Variants in CBS observed in about 807,000 individuals in gnomAD.
CBS encodes beta-thionase.
For missense variants in CBS, 27 were observed against 124.8 expected (o/e 0.22, Z 3.73); for synonymous variants, 23 against 52.2 (o/e 0.44, Z 2.41).
rs1011755825 is a variant in CBS at position 43,066,172 on chromosome 21, C to T, written c.451+71G>A. The T allele has an allele frequency of 7.1e-5, 90 of 1,274,766 alleles. 14 individuals carry two copies. Among genetic ancestry groups the T allele is most frequent in the Middle Eastern group, 2.5e-4 (1 of 4,032 alleles). 79.0% of individuals were successfully genotyped at this position (1,274,766 alleles called of 1,614,324 possible). ...GCGGCTGCAGCTCAGCCATCCCCCC[C>T]GGGTCCCGGCAGGCTCGGCATGGGT... On this transcript the variant is annotated intron_variant, in intron 5 of 16. Coordinates refer to ENST00000398165, the MANE Select transcript of CBS (RefSeq NM_000071.3).
At chr21:43,066,204 C>A (rs1437676114) in intron 5 of CBS, 39 bp downstream of exon 5, 1 of 1,351,186 alleles carries the variant, frequency 7.4e-7, no homozygotes, top group East Asian at 2.3e-5. Flanking sequence ...GGGTAGGGGA[C>A]AGCCAGCCCT....
rs924687812 is a variant in CBS, at chr21:43,057,421, T to C, written c.1468-534A>G. ...ACGGCTGGTGTGGATGAGCCTGCAC[T>C]GATGAGAGCCTGCTCTCCGGCTGCT... On this transcript the variant is annotated intron_variant, in intron 15 of 16. Coordinates refer to ENST00000398165, the MANE Select transcript of CBS (RefSeq NM_000071.3). 7.1e-5 allele frequency among the ~76,000 whole-genome samples: 2 copies of C among 28,214 alleles called. 1 individual carries two copies. The highest frequency in any genetic ancestry group is 1.8e-4 in the Non-Finnish European group (2 of 10,980). The allele number at this position is 28,214 out of a possible 152,430, so 18.5% of individuals were successfully genotyped here. A position where few individuals can be genotyped will look rare whatever the true frequency, so the allele number is the denominator to read the frequency against.
intron 15 of CBS, 64 bp from the exon 16 acceptor site, chr21:43,056,951 AG>A: frequency 2.4e-5 from 1 of 40,898 alleles, no homozygotes; most frequent in Non-Finnish European, 6.3e-5. Context: ...GTGGAGTGAG[AG>A]GGGATGCGAT....
At position 43,065,457 on chromosome 21, in the gene CBS, G is replaced by C. The variant is rs1982554358; in HGVS notation, c.596C>G (p.Ser199Cys). 1 of 445,464 alleles carries C rather than the reference G, an allele frequency of 2.2e-6. No homozygotes were observed. Among genetic ancestry groups the C allele is most frequent in the Non-Finnish European group, 4.1e-6 (1 of 243,706 alleles). 27.6% of individuals were successfully genotyped at this position (445,464 alleles called of 1,614,324 possible). A position where few individuals can be genotyped will look rare whatever the true frequency, so the allele number is the denominator to read the frequency against. Reference protein sequence around the residue: ...VRTPTNARFDSPESHVGVAWR... With the variant: ...VRTPTNARFDCPESHVGVAWR... Reference sequence around the variant, plus strand: ...GGCCACCCCCACGTGTGACTCCGGGGAGTCGAACCTGGCATTGGTGGGCGT... The same window carrying C: ...GGCCACCCCCACGTGTGACTCCGGGCAGTCGAACCTGGCATTGGTGGGCGT... The change falls in exon 7 of 17, where the codon TCC becomes TGC. Residue 199 changes from serine (S) to cysteine (C), a missense_variant. Physicochemically the swap from Ser to Cys is moderately radical, Grantham distance 112 (BLOSUM62 -1). Transcript: ENST00000398165.
At chr21:43,067,891 G>A (rs1445499352) in intron 4 of CBS, 2 of 171,930 alleles carry the variant, frequency 1.2e-5, no homozygotes, top group South Asian at 3.2e-5. Flanking sequence ...TGCGCTCTTG[G>A]TGAAGAGCGA....
intron 16 of CBS, chr21:43,055,890 CTT>C (rs750570864): frequency 1.4e-4 from 10 of 69,744 alleles, no homozygotes; most frequent in East Asian, 4.0e-4. Flanking sequence ...GAATTTGCAT[CTT>C]TTTTTTTTTC....
At chr21:43,061,715 CAT>C (rs10569459) in intron 11 of CBS, among the ~76,000 whole-genome samples, 11,052 of 125,542 alleles carry the variant, frequency 0.088, 2,040 homozygotes, top group African/African-American at 0.29. Flanking sequence ...AGAAACCTCA[CAT>C]GTCCCTGCCT....
At position 43,066,180 on chromosome 21, in the gene CBS, G is replaced by A. The variant is rs1292635966; in HGVS notation, c.451+63C>T. The A allele has an allele frequency of 3.0e-5, 39 of 1,304,734 alleles. 5 individuals are homozygous for A. Among genetic ancestry groups the A allele is most frequent in the East Asian group, 2.0e-4 (9 of 43,906 alleles). 80.8% of individuals were successfully genotyped at this position (1,304,734 alleles called of 1,614,324 possible). A position where few individuals can be genotyped will look rare whatever the true frequency, so the allele number is the denominator to read the frequency against. ...AGCTCAGCCATCCCCCCCGGGTCCC[G>A]GCAGGCTCGGCATGGGTAGGGGACA... On this transcript the variant is annotated intron_variant, in intron 5 of 16. Transcript: ENST00000398165.
At position 43,066,082 on chromosome 21, in the gene CBS, T is replaced by C. The variant is rs996450093; in HGVS notation, c.451+161A>G. ...CGAATGCTGGTCAAAGGAAGCTAGG[T>C]TGGGACACAGGCCGGCAGCGGGTGC... On this transcript the variant is annotated intron_variant, in intron 5 of 16. Coordinates refer to ENST00000398165, the MANE Select transcript of CBS (RefSeq NM_000071.3). Among the ~76,000 whole-genome samples the C allele has an allele frequency of 2.7e-5, 3 of 112,238 alleles. 1 individual carries two copies. The highest frequency in any genetic ancestry group is 8.2e-5 in the Admixed American group (1 of 12,246). 73.6% of individuals were successfully genotyped at this position (112,238 alleles called of 152,430 possible).
intron 3 of CBS, 31 bp from the exon 4 acceptor site, chr21:43,068,646 A>G (rs79732476): frequency 3.9e-6 from 1 of 255,550 alleles, no homozygotes; most frequent in Non-Finnish European, 7.4e-6. Context: ...ATTATTCAGG[A>G]AAAAAAAAAA....
chr21:43,068,413 G>A, intron 4 of CBS, 96 bp downstream of exon 4: 1 of 166,678 alleles, frequency 6.0e-6, no homozygotes. Context: ...CCAGGGCCTT[G>A]CCTAAGGGAT....
chr21:43,066,867 G>A (rs1484578480), intron 4 of CBS, among the ~76,000 whole-genome samples: 1 of 119,518 alleles, frequency 8.4e-6, no homozygotes. Flanking sequence ...CCTGTGGGGC[G>A]TCACCTGCCC....
rs377708532 is a variant in CBS, at chr21:43,066,354, C to T, written c.340G>A (p.Ala114Thr). The T allele has an allele frequency of 5.0e-6, 4 of 803,184 alleles. 1 individual carries two copies. Among genetic ancestry groups the T allele is most frequent in the East Asian group, 2.6e-5 (1 of 38,570 alleles). 49.8% of individuals were successfully genotyped at this position (803,184 alleles called of 1,614,324 possible). A position where few individuals can be genotyped will look rare whatever the true frequency, so the allele number is the denominator to read the frequency against. Reference sequence around the variant, plus strand: ...ATGCGGTCCTTCACGCTCCCGCCCGCGTTGAAGAACTCACACTTGGCCACT... The same window carrying T: ...ATGCGGTCCTTCACGCTCCCGCCCGTGTTGAAGAACTCACACTTGGCCACT... ...ELLAKCEFFN[A>T]GGSVKDRISL... Residue 114 changes from alanine to threonine, a missense_variant, in exon 5 of 17, where the codon GCG (alanine) becomes ACG (threonine). Transcript: ENST00000398165.
chr21:43,066,253 G>A lies in CBS; in HGVS notation c.441C>T (p.Ser147=), dbSNP rs367669819. 5.5e-5 allele frequency: 73 copies of A among 1,339,324 alleles called. 13 individuals are homozygous for A. Among genetic ancestry groups the A allele is most frequent in the South Asian group, 2.6e-4 (21 of 80,324 alleles). The allele number at this position is 1,339,324 out of a possible 1,614,324, so 83.0% of individuals were successfully genotyped here. The part of the protein sequence containing the change: ...KPGDTIIEPT[S]GNTGIGLALA... ...GGGCCTGGCACCCACCGGTGTTCCC[G>A]GATGTCGGCTCGATAATCGTGTCCC... is the stretch of plus-strand genomic sequence containing the variant. Residue 147 remains serine, a synonymous_variant, in exon 5 of 17, where the codon TCC becomes TCT. Coordinates refer to ENST00000398165, the MANE Select transcript of CBS (RefSeq NM_000071.3).
Position 43,067,760 on chromosome 21 carries a change from G to C in CBS, c.316+749C>G, listed in dbSNP as rs1240882399. Reference sequence around the variant, plus strand: ...CGGGGTTCTCCGCGGCACCCTTCCTGCCTCCCTCCGAACTCACTTGGCCTT... The same window carrying C: ...CGGGGTTCTCCGCGGCACCCTTCCTCCCTCCCTCCGAACTCACTTGGCCTT... On this transcript the variant is annotated intron_variant, in intron 4 of 16. Transcript: ENST00000398165. 2 of 385,528 alleles carry C rather than the reference G, an allele frequency of 5.2e-6. 1 individual carries two copies. The highest frequency in any genetic ancestry group is 1.0e-5 in the Non-Finnish European group (2 of 191,146). The allele number at this position is 385,528 out of a possible 1,614,324, so 23.9% of individuals were successfully genotyped here. A position where few individuals can be genotyped will look rare whatever the true frequency, so the allele number is the denominator to read the frequency against.
Position 43,066,148 on chromosome 21 carries a change from C to T in CBS, c.451+95G>A, listed in dbSNP as rs779559770. On this transcript the variant is annotated intron_variant, in intron 5 of 16. Coordinates refer to ENST00000398165, the MANE Select transcript of CBS (RefSeq NM_000071.3). ...AGGCGGCCAGGCGGGCCAGCACATG[C>T]GGCTGCAGCTCAGCCATCCCCCCCG... The T allele has an allele frequency of 9.2e-6, 10 of 1,091,208 alleles. 1 individual carries two copies. The highest frequency in any genetic ancestry group is 7.0e-5 in the East Asian group (3 of 42,950). 67.6% of individuals were successfully genotyped at this position (1,091,208 alleles called of 1,614,324 possible). A position where few individuals can be genotyped will look rare whatever the true frequency, so the allele number is the denominator to read the frequency against.
chr21:43,057,345 G>A (rs1981330442), intron 15 of CBS, among the ~76,000 whole-genome samples: 1 of 132,610 alleles, frequency 7.5e-6, no homozygotes, highest in South Asian at 2.3e-4. Flanking sequence ...GACGCCGCAT[G>A]GTGCCCGGGA....
In CBS at chr21:43,067,023, T is replaced by G. The variant is rs1982875448; in HGVS notation, c.317-646A>C. Among the ~76,000 whole-genome samples, 2 of 137,122 alleles carry G rather than the reference T, an allele frequency of 1.5e-5. 1 individual carries two copies. The highest frequency in any genetic ancestry group is 3.3e-5 in the Non-Finnish European group (2 of 61,430). The allele number at this position is 137,122 out of a possible 152,430, so 90.0% of individuals were successfully genotyped here. A position where few individuals can be genotyped will look rare whatever the true frequency, so the allele number is the denominator to read the frequency against. On this transcript the variant is annotated intron_variant, in intron 4 of 16. Coordinates refer to ENST00000398165, the MANE Select transcript of CBS (RefSeq NM_000071.3). Reference sequence around the variant, plus strand: ...AGACTGGGCTGCATGAAATGTGATTTGAGGGACCTGGGACCAGCCTGCAGC... The same window carrying G: ...AGACTGGGCTGCATGAAATGTGATTGGAGGGACCTGGGACCAGCCTGCAGC...
chr21:43,055,940 GGGGATCCCTCCTACCCAAGCTTGGGGGT>G, intron 16 of CBS: 1 of 22,338 alleles, frequency 4.5e-5, no homozygotes, highest in East Asian at 1.4e-3. Context: ...AGATTAAGAG[GGGGATCCCTCCTACCCAAGCTTGGGGGT>G]GGGTCCAGGA....
Sources: allele counts gnomAD v4.1 joint callset (sites outside exome capture counted in the v4.1 genomes callset), GRCh38; gene constraint gnomAD v4.1.1; transcripts MANE v1.5; gene names NCBI Gene and HGNC (gene_info 2026-07-23, HGNC 2026-07-21).